Variants in HECW1 observed in about 807,000 individuals in gnomAD.
HECW1 encodes E3 ubiquitin-protein ligase HECW1.
Under a neutral mutation model 182.3 loss-of-function variants are expected in HECW1, and 61 were observed. The observed-to-expected ratio is 0.33, with a 90% CI of 0.27 to 0.41. The LOEUF (loss-of-function observed/expected upper bound fraction) is 0.41. Ranked by LOEUF, HECW1 falls within the 10% of genes least tolerant of loss-of-function variation. HECW1 has a pLI of 1.00. For missense variants in HECW1, 1,739 were observed against 2,108.9 expected (o/e 0.82, Z 3.44); for synonymous variants, 859 against 832.6 (o/e 1.03, Z -0.55).
chr7:43,295,954 T>C (rs1805996284), intron 3 of HECW1, among the ~76,000 whole-genome samples: 1 of 152,222 alleles, frequency 6.6e-6, no homozygotes, highest in Admixed American at 6.5e-5. Flanking sequence ...GACTTAGATA[T>C]TTTCATTGGC....
At chr7:43,213,739 C>T (rs1352966849) in intron 2 of HECW1, among the ~76,000 whole-genome samples, 1 of 152,044 alleles carries the variant, frequency 6.6e-6, no homozygotes, top group Non-Finnish European at 1.5e-5. Flanking sequence ...GCCACTGCGC[C>T]CAGCCAATAA....
At chr7:43,463,581 C>T in intron 13 of HECW1, 79 bp from the exon 14 acceptor site, 1 of 1,337,088 alleles carries the variant, frequency 7.5e-7, no homozygotes, top group South Asian at 1.3e-5. Context: ...ACAGATTTCT[C>T]CAATTATCTG....
intron 5 of HECW1, among the ~76,000 whole-genome samples, chr7:43,336,119 T>TC (rs1491229298): frequency 4.8e-5 from 5 of 105,086 alleles, no homozygotes; most frequent in African/African-American, 2.0e-4. Flanking sequence ...TCTTTCTTTC[T>TC]TTCTTTCTCT....
At chr7:43,527,908 A>G (rs953728697) in intron 24 of HECW1, among the ~76,000 whole-genome samples, 3 of 152,208 alleles carry the variant, frequency 2.0e-5, no homozygotes, top group Non-Finnish European at 2.9e-5. Context: ...CTGAGCTCAT[A>G]AAGCAAATTC....
At chr7:43,473,396 G>A (rs542018241) in intron 16 of HECW1, among the ~76,000 whole-genome samples, 2 of 152,280 alleles carry the variant, frequency 1.3e-5, no homozygotes, top group East Asian at 3.9e-4. Flanking sequence ...TTCTCCAGAT[G>A]GATCACTAAT....
chr7:43,239,384 T>C (rs1181843949), intron 2 of HECW1, among the ~76,000 whole-genome samples: 2 of 152,198 alleles, frequency 1.3e-5, no homozygotes, highest in African/African-American at 2.4e-5. Context: ...TAACCACATA[T>C]ATGGGAATGC....
chr7:43,532,977 A>C (rs566689730), intron 24 of HECW1, among the ~76,000 whole-genome samples: 1 of 152,332 alleles, frequency 6.6e-6, no homozygotes, highest in East Asian at 1.9e-4. Flanking sequence ...AAAGGAGTAT[A>C]TCATCACCTG....
chr7:43,228,766 A>G (rs938710974), intron 2 of HECW1, among the ~76,000 whole-genome samples: 6 of 152,182 alleles, frequency 3.9e-5, no homozygotes, highest in African/African-American at 1.4e-4. Context: ...AATGGTATCA[A>G]AAAACTAAAT....
At chr7:43,225,946 T>A (rs893333088) in intron 2 of HECW1, among the ~76,000 whole-genome samples, 2 of 152,104 alleles carry the variant, frequency 1.3e-5, no homozygotes, top group African/African-American at 2.4e-5. Context: ...ACTTTTTTTT[T>A]ATTTTTAGTA....
intron 24 of HECW1, among the ~76,000 whole-genome samples, chr7:43,516,182 G>A (rs926896822): frequency 6.6e-6 from 1 of 152,120 alleles, no homozygotes; most frequent in African/African-American, 2.4e-5. Flanking sequence ...TAAGCCCAGT[G>A]AGACCAGAGT....
chr7:43,549,176 GA>G (rs2081695207), intron 26 of HECW1, among the ~76,000 whole-genome samples: 1 of 152,174 alleles, frequency 6.6e-6, no homozygotes, highest in African/African-American at 2.4e-5. Context: ...CCATTGGACA[GA>G]ATTTACTTAC....
intron 2 of HECW1, among the ~76,000 whole-genome samples, chr7:43,158,838 G>C (rs1285856551): frequency 6.6e-6 from 1 of 152,172 alleles, no homozygotes; most frequent in East Asian, 1.9e-4. Flanking sequence ...ACCAATTCAA[G>C]TGTCTCATCT....
At chr7:43,417,712 A>G (rs2076058189) in intron 8 of HECW1, among the ~76,000 whole-genome samples, 1 of 152,144 alleles carries the variant, frequency 6.6e-6, no homozygotes, top group South Asian at 2.1e-4. Context: ...AAGGTTTAAA[A>G]TGCAGTTCCA....
chr7:43,274,441 A>G, intron 3 of HECW1: 6 of 638,194 alleles, frequency 9.4e-6, no homozygotes, highest in South Asian at 8.1e-5. Flanking sequence ...CAACACATAC[A>G]GGGAATACTG....
At chr7:43,488,372 AAGGAAGGAAGGAAGGAAG>A (rs1563044905) in intron 17 of HECW1, among the ~76,000 whole-genome samples, 6,641 of 131,418 alleles carry the variant, frequency 0.051, 493 homozygotes, top group South Asian at 0.084. Flanking sequence ...GGAAGGAAGG[AAGGAAGGAAGGAAGGAAG>A]GAAGGAAGGA....
At chr7:43,290,005 G>T (rs1477985281) in intron 3 of HECW1, among the ~76,000 whole-genome samples, 1 of 152,230 alleles carries the variant, frequency 6.6e-6, no homozygotes, top group Non-Finnish European at 1.5e-5. Context: ...TGGAGGCCAA[G>T]GCCTTTGTTA....
chr7:43,247,553 G>C (rs1163330813), intron 3 of HECW1, among the ~76,000 whole-genome samples: 1 of 152,106 alleles, frequency 6.6e-6, no homozygotes, highest in East Asian at 1.9e-4. Flanking sequence ...AGGCAGAATT[G>C]CTTGAGCCCA....
At chr7:43,287,983 T>A (rs1804876262) in intron 3 of HECW1, among the ~76,000 whole-genome samples, 1 of 152,222 alleles carries the variant, frequency 6.6e-6, no homozygotes, top group Non-Finnish European at 1.5e-5. Context: ...AACTTGTTTT[T>A]GGAGGTGGGC....
chr7:43,268,754 T>C (rs1562761130), intron 3 of HECW1, among the ~76,000 whole-genome samples: 2 of 151,780 alleles, frequency 1.3e-5, no homozygotes, highest in East Asian at 3.9e-4. Context: ...TGACCTGTGT[T>C]TTGTTGTTGT....
Sources: allele counts gnomAD v4.1 joint callset (sites outside exome capture counted in the v4.1 genomes callset), GRCh38; gene constraint gnomAD v4.1.1; transcripts MANE v1.5; gene names NCBI Gene and HGNC (gene_info 2026-07-23, HGNC 2026-07-21).